The following RORA variants were observed in gnomAD, a reference collection of about 807,000 sequenced individuals.
The protein encoded by RORA is nuclear receptor ROR-alpha.
In RORA, 7 loss-of-function variants were observed where a neutral mutation model predicts 69.5. That is an observed-to-expected ratio of 0.10 (90% confidence interval 0.06 to 0.19). The LOEUF is 0.19. RORA is among the 10% of genes least tolerant of loss of function. The pLI is 1.00. For missense variants in RORA, 457 were observed against 663.0 expected, an observed-to-expected ratio of 0.69 and a Z score of 3.41; for synonymous variants, 261 against 240.8, an observed-to-expected ratio of 1.08 and a Z score of -0.78.
At chr15:61,227,312 C>T (rs925737315) in intron 1 of RORA, among the ~76,000 whole-genome samples, 1 of 151,912 alleles carries the variant, frequency 6.6e-6, no homozygotes, top group Non-Finnish European at 1.5e-5. Context: ...TCCACCGTCT[C>T]AGGGTCTAAA....
chr15:60,649,482 C>T (rs564399359), intron 2 of RORA, among the ~76,000 whole-genome samples: 1 of 152,240 alleles, frequency 6.6e-6, no homozygotes, highest in South Asian at 2.1e-4. Context: ...TGCATGTCAG[C>T]CCTGACACGC....
intron 1 of RORA, among the ~76,000 whole-genome samples, chr15:61,097,045 G>T (rs2078801095): frequency 6.6e-6 from 1 of 152,166 alleles, no homozygotes; most frequent in Non-Finnish European, 1.5e-5. Context: ...CTCTACTAAG[G>T]GTGAACAACA....
At chr15:60,687,171 A>C (rs1257765845) in intron 1 of RORA, among the ~76,000 whole-genome samples, 1 of 152,162 alleles carries the variant, frequency 6.6e-6, no homozygotes, top group Non-Finnish European at 1.5e-5. Flanking sequence ...AATTTGGAGG[A>C]AATGAGGCCC....
At chr15:60,644,564 T>C (rs2070003709) in intron 2 of RORA, among the ~76,000 whole-genome samples, 1 of 152,260 alleles carries the variant, frequency 6.6e-6, no homozygotes, top group African/African-American at 2.4e-5. Flanking sequence ...CGTGTAAACA[T>C]GCAGAGACAT....
chr15:60,927,288 G>A (rs1892246265), intron 1 of RORA, among the ~76,000 whole-genome samples: 1 of 152,284 alleles, frequency 6.6e-6, no homozygotes, highest in Admixed American at 6.5e-5. Flanking sequence ...TATCCTATGC[G>A]ATATGGAATG....
chr15:61,168,207 TGC>T (rs2079554814), intron 1 of RORA, among the ~76,000 whole-genome samples: 2 of 148,588 alleles, frequency 1.3e-5, no homozygotes, highest in South Asian at 2.1e-4. Context: ...TACACGCGCG[TGC>T]GTGCGTGCGT....
At chr15:60,694,446 G>A (rs1192396664) in intron 1 of RORA, among the ~76,000 whole-genome samples, 1 of 152,104 alleles carries the variant, frequency 6.6e-6, no homozygotes, top group East Asian at 1.9e-4. Flanking sequence ...TCACCAATAG[G>A]CTCTCCTAGC....
chr15:61,062,332 G>T (rs2078198386), intron 1 of RORA, among the ~76,000 whole-genome samples: 1 of 152,128 alleles, frequency 6.6e-6, no homozygotes, highest in Admixed American at 6.5e-5. Flanking sequence ...TGCTCCCCTA[G>T]CCCCTAGCCT....
chr15:60,973,912 G>C (rs1248557701), intron 1 of RORA, among the ~76,000 whole-genome samples: 5 of 152,218 alleles, frequency 3.3e-5, no homozygotes, highest in Non-Finnish European at 5.9e-5. Flanking sequence ...GCAATTAGCT[G>C]ATGGAGGATC....
intron 1 of RORA, among the ~76,000 whole-genome samples, chr15:60,973,680 C>T (rs1213246375): frequency 1.3e-5 from 2 of 152,192 alleles, no homozygotes; most frequent in Non-Finnish European, 2.9e-5. Flanking sequence ...CCCTTGTAGC[C>T]AGGCCCAGGG....
intron 1 of RORA, among the ~76,000 whole-genome samples, chr15:61,055,513 T>G (rs151177195): frequency 8.9e-4 from 136 of 152,334 alleles, no homozygotes; most frequent in African/African-American, 3.2e-3. Flanking sequence ...CTACAATGCC[T>G]TGCAGGTGTG....
chr15:60,876,311 T>TGGGGGGGGG (rs56278031), intron 1 of RORA, among the ~76,000 whole-genome samples: 1 of 102,376 alleles, frequency 9.8e-6, no homozygotes, highest in Non-Finnish European at 2.1e-5. Flanking sequence ...TTACAGGAAG[T>TGGGGGGGGG]GGGGGGGGGG....
intron 1 of RORA, among the ~76,000 whole-genome samples, chr15:61,050,827 A>T (rs1478564622): frequency 6.6e-6 from 1 of 152,230 alleles, no homozygotes; most frequent in Non-Finnish European, 1.5e-5. Flanking sequence ...TACTATTATT[A>T]TCCCAGTTTA....
At chr15:60,697,413 A>G (rs950067644) in intron 1 of RORA, among the ~76,000 whole-genome samples, 1 of 152,188 alleles carries the variant, frequency 6.6e-6, no homozygotes, top group East Asian at 1.9e-4. Flanking sequence ...CCCTTCTTCC[A>G]TCTTCCAAGT....
chr15:61,069,718 GGAAAAAAAAAAGGAAA>G (rs1355791273), intron 1 of RORA, among the ~76,000 whole-genome samples: 1 of 127,258 alleles, frequency 7.9e-6, no homozygotes. Context: ...AATTGCTTGA[GGAAAAAAAAAAGGAAA>G]GAAAAAAGAA....
chr15:60,906,239 C>G (rs143169632), intron 1 of RORA, among the ~76,000 whole-genome samples: 2 of 152,146 alleles, frequency 1.3e-5, no homozygotes, highest in Admixed American at 6.5e-5. Context: ...AGCAACTGTA[C>G]CGACAAAAAC....
chr15:60,727,707 T>C (rs907740847), intron 1 of RORA, among the ~76,000 whole-genome samples: 1 of 152,124 alleles, frequency 6.6e-6, no homozygotes, highest in South Asian at 2.1e-4. Context: ...GTGAAAAGAA[T>C]CTGTCCCTGT....
intron 1 of RORA, among the ~76,000 whole-genome samples, chr15:60,890,271 T>C (rs1249650413): frequency 6.6e-6 from 1 of 152,234 alleles, no homozygotes; most frequent in Non-Finnish European, 1.5e-5. Context: ...TCAAAGTTAA[T>C]AGTGGAGGTG....
chr15:60,515,507 C>G (rs1316270885), intron 3 of RORA, among the ~76,000 whole-genome samples: 1 of 152,070 alleles, frequency 6.6e-6, no homozygotes, highest in African/African-American at 2.4e-5. Context: ...ACCTCAATAA[C>G]TTTATTTTTG....
Sources: gnomAD v4.1 joint callset for allele counts (sites outside exome capture counted in the v4.1 genomes callset) on GRCh38, gnomAD v4.1.1 for gene constraint, MANE v1.5 for transcripts, NCBI Gene and HGNC (gene_info 2026-07-23, HGNC 2026-07-21) for gene names.